The following CNTN1 variants were observed in gnomAD, a reference collection of about 807,000 sequenced individuals.
CNTN1 encodes contactin-1.
Under a neutral mutation model 126.4 loss-of-function variants are expected in CNTN1, and 38 were observed. The observed-to-expected ratio is 0.30, with a 90% CI of 0.23 to 0.39. The LOEUF is 0.39. Ranked by LOEUF, CNTN1 falls within the 10% of genes least tolerant of loss-of-function variation. The probability of loss-of-function intolerance (pLI) is 1.00; values close to 1 mark genes in which losing one functional copy is unlikely to be tolerated. For missense variants in CNTN1, 1,009 were observed against 1,248.4 expected, an observed-to-expected ratio of 0.81 and a Z score of 2.89; for synonymous variants, 413 against 422.6, an observed-to-expected ratio of 0.98 and a Z score of 0.28.
At chr12:40,723,080 C>T (rs1942259899) in intron 1 of CNTN1, among the ~76,000 whole-genome samples, 1 of 152,028 alleles carries the variant, frequency 6.6e-6, no homozygotes, top group Non-Finnish European at 1.5e-5. Flanking sequence ...AAGTAGCCGC[C>T]ATAGAGAGCT....
chr12:40,824,573 G>A (rs940381989), intron 1 of CNTN1, among the ~76,000 whole-genome samples: 24 of 152,072 alleles, frequency 1.6e-4, no homozygotes, highest in Non-Finnish European at 3.4e-4. Context: ...TAACAATTGT[G>A]CCCTAAATAA....
At chr12:40,878,393 T>C (rs1488013381) in intron 1 of CNTN1, among the ~76,000 whole-genome samples, 1 of 151,396 alleles carries the variant, frequency 6.6e-6, no homozygotes, top group African/African-American at 2.4e-5. Context: ...CAAAAACAAA[T>C]CACATTTTAC....
chr12:40,994,835 T>C (rs1456064184), intron 17 of CNTN1, among the ~76,000 whole-genome samples: 1 of 152,064 alleles, frequency 6.6e-6, no homozygotes, highest in Non-Finnish European at 1.5e-5. Context: ...CTATTAGAAC[T>C]CTAATAAAGA....
chr12:40,707,041 C>CG (rs1941765364), intron 1 of CNTN1, among the ~76,000 whole-genome samples: 8 of 94,230 alleles, frequency 8.5e-5, no homozygotes, highest in African/African-American at 2.0e-4. Flanking sequence ...CGCGCGCGCG[C>CG]TTGCGCACAC....
At chr12:40,972,790 T>C (rs1947559891) in intron 15 of CNTN1, 1 of 294,586 alleles carries the variant, frequency 3.4e-6, no homozygotes, top group Non-Finnish European at 5.0e-6. Flanking sequence ...CATGGAGACA[T>C]GTATGAATCG....
At chr12:40,868,243 T>A (rs970628874) in intron 1 of CNTN1, among the ~76,000 whole-genome samples, 1 of 152,172 alleles carries the variant, frequency 6.6e-6, no homozygotes, top group Non-Finnish European at 1.5e-5. Flanking sequence ...TTATTAGAAC[T>A]AGGAGGCCGT....
intron 1 of CNTN1, among the ~76,000 whole-genome samples, chr12:40,878,944 A>C (rs1943776588): frequency 1.3e-5 from 2 of 152,204 alleles, no homozygotes; most frequent in African/African-American, 4.8e-5. Context: ...CACATTATAT[A>C]GCTTTCAATT....
chr12:40,902,690 GA>G (rs1221810296), intron 1 of CNTN1, among the ~76,000 whole-genome samples: 2 of 152,160 alleles, frequency 1.3e-5, no homozygotes, highest in Non-Finnish European at 2.9e-5. Context: ...TCAGTGCGAT[GA>G]AAAGCTAGTT....
At chr12:40,912,225 T>A in intron 3 of CNTN1, among the ~76,000 whole-genome samples, 1 of 59,972 alleles carries the variant, frequency 1.7e-5, no homozygotes, top group African/African-American at 5.7e-5. Context: ...TCTTCTTAAT[T>A]TTTTTTTAGA....
Position 41,071,060 on chromosome 12 carries a change from C to T in CNTN1, c.*1025C>T, listed in dbSNP as rs1000449665. ...GTCACCTGTAGGTTGAAAAAGCTAC[C>T]GTATTCCATTTTGTAAAAATAACAA... On this transcript the variant is annotated 3_prime_UTR_variant, in exon 24 of 24. Transcript: ENST00000551295. 14 of 150,714 alleles carry T rather than the reference C, an allele frequency of 9.3e-5. No homozygotes were observed. The highest frequency in any genetic ancestry group is 2.1e-4 in the Non-Finnish European group (14 of 67,710). The allele number at this position is 150,714 out of a possible 1,614,324, so 9.3% of individuals were successfully genotyped here. A position where few individuals can be genotyped will look rare whatever the true frequency, so the allele number is the denominator to read the frequency against.
intron 1 of CNTN1, among the ~76,000 whole-genome samples, chr12:40,850,633 G>T (rs912958203): frequency 6.6e-6 from 1 of 151,936 alleles, no homozygotes; most frequent in Non-Finnish European, 1.5e-5. Context: ...ATTCAGCGAT[G>T]ATATTAAAAT....
At chr12:40,707,700 T>C (rs984991776) in intron 1 of CNTN1, among the ~76,000 whole-genome samples, 3 of 152,180 alleles carry the variant, frequency 2.0e-5, no homozygotes, top group African/African-American at 7.2e-5. Context: ...TTTTGATGAC[T>C]GATAATGAGT....
intron 1 of CNTN1, among the ~76,000 whole-genome samples, chr12:40,864,341 T>C (rs1201534716): frequency 6.6e-6 from 1 of 152,008 alleles, no homozygotes; most frequent in Non-Finnish European, 1.5e-5. Flanking sequence ...TTTCTTTTAA[T>C]AACTTTATTG....
At position 40,828,755 on chromosome 12, in the gene CNTN1, C is replaced by T. The variant is rs116112621; in HGVS notation, c.-76-79602C>T. On this transcript the variant is annotated intron_variant, in intron 1 of 23. Transcript: ENST00000551295. ...AGAAGCAGAGGAAAGCACCGAGGTA[C>T]TCAAACTCAAATACTGTGTTGCATA... Among the ~76,000 whole-genome samples, 561 of 152,252 alleles carry T rather than the reference C, an allele frequency of 3.7e-3. 5 individuals carry two copies. The highest frequency in any genetic ancestry group is 0.013 in the African/African-American group (536 of 41,550).
intron 1 of CNTN1, among the ~76,000 whole-genome samples, chr12:40,868,628 C>T (rs1210507788): frequency 3.3e-5 from 5 of 152,240 alleles, no homozygotes; most frequent in Admixed American, 1.3e-4. Context: ...TTAAAAATTG[C>T]CCTCTTTGCT....
chr12:40,916,951 T>C (rs1250657334), intron 3 of CNTN1, among the ~76,000 whole-genome samples: 2 of 147,206 alleles, frequency 1.4e-5, no homozygotes, highest in Non-Finnish European at 3.0e-5. Flanking sequence ...CTATAAACTA[T>C]TGAATAAAAG....
intron 1 of CNTN1, among the ~76,000 whole-genome samples, chr12:40,902,769 T>C (rs988272743): frequency 6.6e-6 from 1 of 152,216 alleles, no homozygotes; most frequent in Non-Finnish European, 1.5e-5. Flanking sequence ...TAATAGTTGC[T>C]AATATATTGT....
intron 23 of CNTN1, among the ~76,000 whole-genome samples, chr12:41,037,387 A>G (rs1003556352): frequency 6.6e-6 from 1 of 151,936 alleles, no homozygotes; most frequent in African/African-American, 2.4e-5. Flanking sequence ...TTATGTATGT[A>G]TATATATATA....
chr12:40,876,111 TA>T (rs996133180), intron 1 of CNTN1, among the ~76,000 whole-genome samples: 10 of 149,384 alleles, frequency 6.7e-5, no homozygotes, highest in Non-Finnish European at 1.5e-4. Context: ...AGCTACAGGT[TA>T]AATATTGCTG....
Sources: allele counts gnomAD v4.1 joint callset (sites outside exome capture counted in the v4.1 genomes callset), GRCh38; gene constraint gnomAD v4.1.1; transcripts MANE v1.5; gene names NCBI Gene and HGNC (gene_info 2026-07-23, HGNC 2026-07-21).